SFMBT2: variants seen among roughly 807,000 people sequenced by gnomAD.
SFMBT2 encodes Scm like with four mbt domains 2.
Under a neutral mutation model 110.1 loss-of-function variants are expected in SFMBT2, and 38 were observed. That is an observed-to-expected ratio of 0.35 (90% confidence interval 0.27 to 0.45). The LOEUF (loss-of-function observed/expected upper bound fraction) is 0.45, where lower values mean the gene tolerates loss of function less well. SFMBT2 is among the 20% of genes least tolerant of loss of function. SFMBT2 has a pLI of 1.00. For synonymous variants in SFMBT2, 425 were observed against 425.4 expected (o/e 1.00, Z 0.01); for missense variants, 1,011 against 1,094.9 (o/e 0.92, Z 1.08).
At chr10:7,340,475 T>G (rs116366720) in intron 4 of SFMBT2, among the ~76,000 whole-genome samples, 1,651 of 152,054 alleles carry the variant, frequency 0.011, 23 homozygotes, top group African/African-American at 0.037. Flanking sequence ...AACACAACCT[T>G]TCTAAGTCAG....
intron 16 of SFMBT2, among the ~76,000 whole-genome samples, chr10:7,181,318 T>C (rs918909435): frequency 6.6e-6 from 1 of 151,876 alleles, no homozygotes; most frequent in African/African-American, 2.4e-5. Context: ...CTGAAATTTT[T>C]GAGTGTCAAC....
chr10:7,284,833 GT>G (rs1385308952), intron 5 of SFMBT2: 1 of 155,072 alleles, frequency 6.4e-6, no homozygotes, highest in Non-Finnish European at 1.4e-5. Flanking sequence ...AAGGGTGTTT[GT>G]TCAGCCAGCT....
intron 4 of SFMBT2, among the ~76,000 whole-genome samples, chr10:7,318,634 G>C (rs1843083690): frequency 6.6e-6 from 1 of 152,258 alleles, no homozygotes; most frequent in African/African-American, 2.4e-5. Context: ...CATACTGATA[G>C]AAGAATATCC....
intron 4 of SFMBT2, among the ~76,000 whole-genome samples, chr10:7,342,396 C>CTTCTTTTTT (rs1843939703): frequency 1.4e-5 from 1 of 69,628 alleles, no homozygotes. Flanking sequence ...TGGAGTGAGT[C>CTTCTTTTTT]TTTTTTTTTT....
intron 9 of SFMBT2, among the ~76,000 whole-genome samples, chr10:7,235,719 T>C (rs192588524): frequency 1.5e-5 from 2 of 135,322 alleles, no homozygotes; most frequent in East Asian, 6.3e-4. Flanking sequence ...TAAAGTACCA[T>C]TTGGAAATTT....
intron 1 of SFMBT2, among the ~76,000 whole-genome samples, chr10:7,392,088 C>T (rs1198627684): frequency 6.6e-6 from 1 of 152,088 alleles, no homozygotes; most frequent in Non-Finnish European, 1.5e-5. Flanking sequence ...ATTATAGGGT[C>T]AAAAATATGG....
intron 1 of SFMBT2, among the ~76,000 whole-genome samples, chr10:7,386,342 G>T (rs1303567953): frequency 6.6e-6 from 1 of 152,122 alleles, no homozygotes; most frequent in Non-Finnish European, 1.5e-5. Flanking sequence ...TGGGCCAGGG[G>T]AGTGGTTCGC....
intron 20 of SFMBT2, among the ~76,000 whole-genome samples, chr10:7,167,474 AG>A (rs1436246640): frequency 6.6e-6 from 1 of 152,194 alleles, no homozygotes; most frequent in Non-Finnish European, 1.5e-5. Flanking sequence ...TATAACGTTC[AG>A]GGCCTGCGTG....
intron 4 of SFMBT2, among the ~76,000 whole-genome samples, chr10:7,364,589 T>C (rs1173497452): frequency 1.3e-5 from 2 of 152,248 alleles, no homozygotes; most frequent in Admixed American, 1.3e-4. Context: ...TCTAAAACTA[T>C]TCACTAGAGA....
intron 11 of SFMBT2, among the ~76,000 whole-genome samples, chr10:7,207,276 C>T (rs1839168958): frequency 6.6e-6 from 1 of 151,802 alleles, no homozygotes; most frequent in African/African-American, 2.4e-5. Flanking sequence ...GGGAGGACTG[C>T]TCACGTCTGG....
intron 4 of SFMBT2, among the ~76,000 whole-genome samples, chr10:7,303,378 A>G (rs1315142639): frequency 6.6e-6 from 1 of 152,226 alleles, no homozygotes; most frequent in Non-Finnish European, 1.5e-5. Context: ...TAATTCATCA[A>G]TTTATGTAGA....
At chr10:7,283,845 AG>A (rs1842015311) in intron 6 of SFMBT2, 58 bp downstream of exon 6, 2 of 1,147,052 alleles carry the variant, frequency 1.7e-6, no homozygotes, top group Non-Finnish European at 1.3e-6. Context: ...AAACACATCC[AG>A]GAAAATATCA....
intron 1 of SFMBT2, among the ~76,000 whole-genome samples, chr10:7,398,237 G>A (rs1371631906): frequency 1.3e-5 from 2 of 152,140 alleles, no homozygotes; most frequent in Non-Finnish European, 2.9e-5. Context: ...GGTTTTCACT[G>A]TCACCTCTTA....
chr10:7,172,434 C>T lies in SFMBT2; in HGVS notation c.2151+61G>A, dbSNP rs1837908559. 16 of 1,609,686 alleles carry T rather than the reference C, an allele frequency of 9.9e-6. No homozygotes were observed. The highest frequency in any genetic ancestry group is 1.1e-5 in the Non-Finnish European group (13 of 1,178,964). On this transcript the variant is annotated intron_variant, in intron 18 of 20. Transcript: ENST00000397167. This position sits in a 1 kb window ranked among gnomAD's most constrained non-coding sequence, Gnocchi z 4.6. ...CCACCTCTGCTGTGAAGCAGCCACA[C>T]TTGCCGGCCAGGGCCAGATGACAGA...
At chr10:7,380,654 C>CTT (rs35865288) in intron 2 of SFMBT2, among the ~76,000 whole-genome samples, 3 of 150,132 alleles carry the variant, frequency 2.0e-5, no homozygotes, top group East Asian at 1.9e-4. Flanking sequence ...CAATGCAACC[C>CTT]TTTTTTTTTT....
chr10:7,378,041 G>A (rs1054566818), intron 2 of SFMBT2, among the ~76,000 whole-genome samples: 3 of 151,370 alleles, frequency 2.0e-5, no homozygotes, highest in Non-Finnish European at 3.0e-5. Context: ...GTGTGTGGAT[G>A]GGTGGATGGA....
chr10:7,318,366 C>T (rs1843076155), intron 4 of SFMBT2, among the ~76,000 whole-genome samples: 1 of 152,196 alleles, frequency 6.6e-6, no homozygotes, highest in South Asian at 2.1e-4. Flanking sequence ...ATGTGTTATA[C>T]TGACATCTGT....
chr10:7,362,972 T>C (rs1844771598), intron 4 of SFMBT2, among the ~76,000 whole-genome samples: 1 of 152,228 alleles, frequency 6.6e-6, no homozygotes, highest in South Asian at 2.1e-4. Context: ...CCCTCCTTCC[T>C]TTCTTCCTTC....
intron 5 of SFMBT2, chr10:7,285,530 A>G (rs1013105869): frequency 4.9e-6 from 1 of 203,424 alleles, no homozygotes; most frequent in African/African-American, 2.3e-5. Flanking sequence ...CAAAACAGTG[A>G]TTCTACAGGA....
Sources: allele counts gnomAD v4.1 joint callset (sites outside exome capture counted in the v4.1 genomes callset), GRCh38; gene constraint gnomAD v4.1.1; non-coding constraint Gnocchi (gnomAD v3.1); transcripts MANE v1.5; gene names NCBI Gene and HGNC (gene_info 2026-07-23, HGNC 2026-07-21).